GALNT1: variants seen among roughly 807,000 people sequenced by gnomAD.
GALNT1 encodes polypeptide N-acetylgalactosaminyltransferase 1.
A neutral mutation model predicts 65.7 loss-of-function variants in GALNT1; 17 were observed. The observed-to-expected ratio is 0.26, with a 90% CI of 0.18 to 0.39. GALNT1 has a LOEUF of 0.39. GALNT1 is among the 10% of genes least tolerant of loss of function. The pLI is 1.00. For synonymous variants in GALNT1, 210 were observed against 219.7 expected, an observed-to-expected ratio of 0.96 and a Z score of 0.39; for missense variants, 460 against 672.8, an observed-to-expected ratio of 0.68 and a Z score of 3.50.
Position 35,710,962 on chromosome 18 carries a change from CTT to C in GALNT1, c.*1198_*1199del, listed in dbSNP as rs984474096. On this transcript the variant is annotated 3_prime_UTR_variant, in exon 12 of 12. Coordinates refer to ENST00000269195, the MANE Select transcript of GALNT1 (RefSeq NM_020474.4). ...ATTGAATTGTAATGTTTATCTGCTGCTTTTTTTAAATAAAATTTGACTGAAAA... is the reference window on the plus strand; with the variant it reads ...ATTGAATTGTAATGTTTATCTGCTGCTTTTTAAATAAAATTTGACTGAAAA... 1 of 152,384 alleles carries C rather than the reference CTT, an allele frequency of 6.6e-6. No individual in the cohort carries two copies. 9.4% of individuals were successfully genotyped at this position (152,384 alleles called of 1,614,324 possible).
At chr18:35,692,759 T>G (rs1166348482) in intron 9 of GALNT1, among the ~76,000 whole-genome samples, 1 of 152,174 alleles carries the variant, frequency 6.6e-6, no homozygotes, top group African/African-American at 2.4e-5. Flanking sequence ...CCAACCTTTT[T>G]GTGATAGAAA....
chr18:35,683,860 C>G (rs768870227), intron 5 of GALNT1, among the ~76,000 whole-genome samples: 2 of 152,124 alleles, frequency 1.3e-5, no homozygotes, highest in Non-Finnish European at 2.9e-5. Context: ...CTGTGTTCAC[C>G]AAGCTGGAGC....
chr18:35,682,908 T>TAAAA (rs34199709), intron 4 of GALNT1, among the ~76,000 whole-genome samples: 8 of 118,484 alleles, frequency 6.8e-5, no homozygotes, highest in Non-Finnish European at 1.0e-4. Context: ...GCCCCCTGAT[T>TAAAA]AAAAAAAAAA....
chr18:35,663,448 C>G (rs3744991), intron 2 of GALNT1, among the ~76,000 whole-genome samples, 180 bp from the exon 3 acceptor site: 14,498 of 152,132 alleles, frequency 0.095, 835 homozygotes, highest in African/African-American at 0.17. Context: ...AGTCAGGACA[C>G]TGGTGTGGAG....
chr18:35,647,745 G>GT (rs1294387171), intron 1 of GALNT1, among the ~76,000 whole-genome samples: 8 of 152,172 alleles, frequency 5.3e-5, no homozygotes, highest in African/African-American at 1.9e-4. Context: ...ATGAAGCTTT[G>GT]TTTTCTCAGA....
At chr18:35,672,965 T>A (rs1393132790) in intron 3 of GALNT1, among the ~76,000 whole-genome samples, 2 of 152,160 alleles carry the variant, frequency 1.3e-5, no homozygotes, top group Non-Finnish European at 2.9e-5. Context: ...GTATAGTTAG[T>A]AAGTGACGCA....
At chr18:35,644,008 T>G (rs553255914) in intron 1 of GALNT1, among the ~76,000 whole-genome samples, 1 of 152,320 alleles carries the variant, frequency 6.6e-6, no homozygotes, top group South Asian at 2.1e-4. Context: ...GTTTGTCATC[T>G]TAAAAACTGA....
intron 1 of GALNT1, among the ~76,000 whole-genome samples, chr18:35,617,468 C>T (rs1033112880): frequency 8.5e-5 from 13 of 152,152 alleles, no homozygotes; most frequent in Admixed American, 5.9e-4. Context: ...CATCATATTT[C>T]GAGAAATTCT....
intron 9 of GALNT1, among the ~76,000 whole-genome samples, chr18:35,701,634 T>C (rs2048165778): frequency 6.6e-6 from 1 of 152,154 alleles, no homozygotes; most frequent in African/African-American, 2.4e-5. Flanking sequence ...AATTTCTAGC[T>C]TGAATAATTG....
At chr18:35,586,903 C>T (rs2046384004) in intron 1 of GALNT1, among the ~76,000 whole-genome samples, 1 of 152,112 alleles carries the variant, frequency 6.6e-6, no homozygotes, top group Admixed American at 6.6e-5. Flanking sequence ...TTGCAGTAGA[C>T]CTGTATCAGT....
chr18:35,628,381 C>A (rs1220958001), intron 1 of GALNT1, among the ~76,000 whole-genome samples: 1 of 152,214 alleles, frequency 6.6e-6, no homozygotes, highest in East Asian at 1.9e-4. Flanking sequence ...TCCAGAGGAA[C>A]AATCAGGCAG....
intron 1 of GALNT1, among the ~76,000 whole-genome samples, chr18:35,594,392 G>A (rs1405439536): frequency 6.6e-6 from 1 of 152,130 alleles, no homozygotes; most frequent in African/African-American, 2.4e-5. Flanking sequence ...GACTATGTTG[G>A]CTGGTCTGAG....
chr18:35,642,622 A>C (rs2047179363), intron 1 of GALNT1, among the ~76,000 whole-genome samples: 1 of 152,234 alleles, frequency 6.6e-6, no homozygotes, highest in African/African-American at 2.4e-5. Flanking sequence ...ATATTTTATA[A>C]GTTTTTGTGA....
intron 6 of GALNT1, among the ~76,000 whole-genome samples, chr18:35,688,561 C>T (rs2047904968): frequency 6.6e-6 from 1 of 152,136 alleles, no homozygotes; most frequent in Non-Finnish European, 1.5e-5. Context: ...AATTAGACTC[C>T]TCTTTTGCAG....
chr18:35,607,779 A>G (rs533813581), intron 1 of GALNT1, among the ~76,000 whole-genome samples: 44 of 152,274 alleles, frequency 2.9e-4, no homozygotes, highest in Admixed American at 1.9e-3. Context: ...TTAGACACCT[A>G]TGTGAAGTTA....
Position 35,600,807 on chromosome 18 carries a change from A to AT in GALNT1, c.-104+18952dup, listed in dbSNP as rs202019956. 1.5e-3 allele frequency among the ~76,000 whole-genome samples: 225 copies of AT among 152,152 alleles called. 1 individual carries two copies. The highest frequency in any genetic ancestry group is 2.3e-3 in the Non-Finnish European group (155 of 67,988). ...GAATCTCACTTGATCGTGGTGAATG[A>AT]TTTTTTTAATATGTTGTTCAAGTTG... On this transcript the variant is annotated intron_variant, in intron 1 of 11. Transcript: ENST00000269195.
intron 5 of GALNT1, among the ~76,000 whole-genome samples, chr18:35,686,745 AT>A (rs936983423): frequency 2.6e-5 from 4 of 152,032 alleles, no homozygotes; most frequent in Non-Finnish European, 5.9e-5. Flanking sequence ...CAAAAAAAAA[AT>A]TTTTTTAATT....
chr18:35,693,960 G>A (rs1332981496), intron 9 of GALNT1, among the ~76,000 whole-genome samples: 4 of 152,172 alleles, frequency 2.6e-5, no homozygotes, highest in Admixed American at 2.0e-4. Context: ...AGAAGGAGTA[G>A]GCAGTGAAAT....
rs550417308 is a variant in GALNT1, at chr18:35,673,509, A to G, written c.315-4082A>G. Among the ~76,000 whole-genome samples, 3 of 152,344 alleles carry G rather than the reference A, an allele frequency of 2.0e-5. No individual in the cohort carries two copies. The South Asian group carries it at 6.2e-4, about 32-fold the overall frequency. ...TGTCTTAGGGTTGTTATAAGCATAC[A>G]TGGGATAACATATTTAAACCTCTTA... On this transcript the variant is annotated intron_variant, in intron 3 of 11. Transcript: ENST00000269195.
Sources: allele counts gnomAD v4.1 joint callset (sites outside exome capture counted in the v4.1 genomes callset), GRCh38; gene constraint gnomAD v4.1.1; transcripts MANE v1.5; gene names NCBI Gene and HGNC (gene_info 2026-07-23, HGNC 2026-07-21).